The following PCDHA13 variants were observed in gnomAD, a reference collection of about 807,000 sequenced individuals.
PCDHA13 encodes the protein protocadherin alpha 13, also known as protocadherin alpha-13.
Under a neutral mutation model 64.8 loss-of-function variants are expected in PCDHA13, and 54 were observed. That is an observed-to-expected ratio of 0.83 (90% CI 0.67 to 1.04). The LOEUF is 1.04. Among genes scored for constraint, PCDHA13 ranks in the 50% least tolerant of loss-of-function variants. The pLI is 0.00. For missense variants in PCDHA13, 1,248 were observed against 1,254.3 expected (o/e 0.99, Z 0.08); for synonymous variants, 587 against 564.4 (o/e 1.04, Z -0.57).
intron 1 of PCDHA13, among the ~76,000 whole-genome samples, chr5:140,936,016 C>T (rs1170221921): frequency 6.6e-6 from 1 of 151,732 alleles, no homozygotes; most frequent in Non-Finnish European, 1.5e-5. Context: ...CCTCAGCCTC[C>T]CGAGTAGCGG....
chr5:140,882,514 C>T lies in PCDHA13; in HGVS notation c.246C>T (p.Gly82=). ...TTCTGGAGGTAAATCTGCAGAATGGCATTTTGTTTGTGAATTCTCGGATCG... is the reference window on the plus strand; with the variant it reads ...TTCTGGAGGTAAATCTGCAGAATGGTATTTTGTTTGTGAATTCTCGGATCG... ...GDLLEVNLQN[G]ILFVNSRIDR... Residue 82 remains glycine, a synonymous_variant, in exon 1 of 4, where the codon GGC becomes GGT. Coordinates refer to ENST00000289272, the MANE Select transcript of PCDHA13 (RefSeq NM_018904.3). 2.5e-6 allele frequency: 4 copies of T among 1,614,150 alleles called. No homozygotes were observed. Among genetic ancestry groups the T allele is most frequent in the Non-Finnish European group, 3.4e-6 (4 of 1,180,038 alleles).
intron 3 of PCDHA13, among the ~76,000 whole-genome samples, chr5:140,992,293 G>A (rs1043574685): frequency 1.3e-5 from 2 of 152,136 alleles, no homozygotes; most frequent in African/African-American, 2.4e-5. Flanking sequence ...GCAAAGGATG[G>A]GAGTATTGTT....
Position 141,007,401 on chromosome 5 carries a change from A to G in PCDHA13, c.2543-2226A>G, listed in dbSNP as rs981008239. On this transcript the variant is annotated intron_variant, in intron 3 of 3. Coordinates refer to ENST00000289272, the MANE Select transcript of PCDHA13 (RefSeq NM_018904.3). Reference sequence around the variant, plus strand: ...CACCATCTCTACTAAAATACAAAAAAAAAAAAAAAAAAAAAAATTAGCCAG... The same window carrying G: ...CACCATCTCTACTAAAATACAAAAAGAAAAAAAAAAAAAAAAATTAGCCAG... Among the ~76,000 whole-genome samples the G allele has an allele frequency of 7.4e-4, 110 of 149,582 alleles. 1 individual carries two copies. Among genetic ancestry groups the G allele is most frequent in the Non-Finnish European group, 9.7e-4 (65 of 67,302 alleles).
chr5:140,901,139 A>G (rs1186725760), intron 1 of PCDHA13, among the ~76,000 whole-genome samples: 1 of 151,726 alleles, frequency 6.6e-6, no homozygotes, highest in Non-Finnish European at 1.5e-5. Context: ...GATTGTAAAT[A>G]TTTTCTCTCA....
At chr5:140,938,218 T>C (rs1050033125) in intron 1 of PCDHA13, among the ~76,000 whole-genome samples, 1 of 152,210 alleles carries the variant, frequency 6.6e-6, no homozygotes, top group Admixed American at 6.5e-5. Flanking sequence ...AGTGCTGGGA[T>C]TACAGGCATA....
chr5:141,000,421 A>ATTTTTTTTTTTTT (rs34755515), intron 3 of PCDHA13, among the ~76,000 whole-genome samples: 1 of 27,968 alleles, frequency 3.6e-5, no homozygotes, highest in African/African-American at 1.8e-4. Flanking sequence ...ATATATATAT[A>ATTTTTTTTTTTTT]TTTTTTTTTT....
Position 140,884,446 on chromosome 5 carries a change from G to C in PCDHA13, c.2178G>C (p.Pro726=). The change falls in exon 1 of 4, where the codon CCG becomes CCC. Residue 726 remains proline (P), a synonymous_variant. Transcript: ENST00000289272. ...ATACTGCGCTGCGGTGCTCGGCACC[G>C]CCCACCGAGGGCGCGTGCGCGCCGG... ...LLYTALRCSA[P]PTEGACAPGK... 6.2e-7 allele frequency: 1 copy of C among 1,613,770 alleles called. No individual in the cohort carries two copies. The highest frequency in any genetic ancestry group is 8.5e-7 in the Non-Finnish European group (1 of 1,179,790).
chr5:140,930,196 T>C (rs1554207641), intron 1 of PCDHA13: 1 of 152,226 alleles, frequency 6.6e-6, no homozygotes, highest in South Asian at 2.1e-4. Flanking sequence ...AATTTTTATG[T>C]CAGAAATATT....
At chr5:140,924,187 G>A (rs1238020963) in intron 1 of PCDHA13, among the ~76,000 whole-genome samples, 1 of 152,220 alleles carries the variant, frequency 6.6e-6, no homozygotes, top group Non-Finnish European at 1.5e-5. Flanking sequence ...CAGAAAATTA[G>A]TTTTGGTTTA....
In PCDHA13 at chr5:141,010,844, A is replaced by T. The variant is rs1286149629; in HGVS notation, c.*907A>T. ...TGTTTGTTGTTTCATAGATTTATTT[A>T]AAAAAAGAGAAAGTCTATAGCTATA... On this transcript the variant is annotated 3_prime_UTR_variant, in exon 4 of 4. Coordinates refer to ENST00000289272, the MANE Select transcript of PCDHA13 (RefSeq NM_018904.3). The T allele has an allele frequency of 1.3e-5, 2 of 153,756 alleles. No homozygotes were observed. The highest frequency in any genetic ancestry group is 2.9e-5 in the Non-Finnish European group (2 of 68,056). 9.5% of individuals were successfully genotyped at this position (153,756 alleles called of 1,614,324 possible).
chr5:140,965,748 C>T (rs1010303564), intron 1 of PCDHA13, among the ~76,000 whole-genome samples: 1 of 152,174 alleles, frequency 6.6e-6, no homozygotes, highest in Non-Finnish European at 1.5e-5. Flanking sequence ...TCCCCATTGT[C>T]GCCAAAATGG....
chr5:140,994,189 G>T (rs992894961), intron 3 of PCDHA13, among the ~76,000 whole-genome samples: 2 of 152,176 alleles, frequency 1.3e-5, no homozygotes, highest in Admixed American at 6.5e-5. Context: ...AACCACCAGG[G>T]CCTGTTGGTC....
intron 1 of PCDHA13, among the ~76,000 whole-genome samples, chr5:140,885,056 C>T (rs1554181973): frequency 6.6e-6 from 1 of 152,106 alleles, no homozygotes; most frequent in East Asian, 1.9e-4. Flanking sequence ...TATACATATA[C>T]CCACAAGATA....
At chr5:140,962,406 T>C (rs1272839882) in intron 1 of PCDHA13, among the ~76,000 whole-genome samples, 1 of 152,218 alleles carries the variant, frequency 6.6e-6, no homozygotes, top group African/African-American at 2.4e-5. Context: ...GCCCCAAACC[T>C]GTCTCTCCCT....
chr5:140,973,390 AATC>A (rs1554235235), intron 1 of PCDHA13, among the ~76,000 whole-genome samples: 1 of 152,224 alleles, frequency 6.6e-6, no homozygotes, highest in East Asian at 1.9e-4. Context: ...TAGACAAAGA[AATC>A]ATATCTATGA....
intron 3 of PCDHA13, among the ~76,000 whole-genome samples, chr5:140,996,816 A>G (rs1587722851): frequency 6.6e-6 from 1 of 152,264 alleles, no homozygotes; most frequent in Non-Finnish European, 1.5e-5. Flanking sequence ...TTCCAAAAGT[A>G]ACCACTACCA....
At chr5:140,946,631 T>TATATGTATATAC (rs57893927) in intron 1 of PCDHA13, among the ~76,000 whole-genome samples, 2 of 131,846 alleles carry the variant, frequency 1.5e-5, no homozygotes, top group Non-Finnish European at 3.1e-5. Flanking sequence ...TATATATATA[T>TATATGTATATAC]ACAATGGAAT....
chr5:140,922,164 A>G lies in PCDHA13; in HGVS notation c.2394+37502A>G, dbSNP rs1382732959. Among the ~76,000 whole-genome samples the G allele has an allele frequency of 2.1e-5, 3 of 145,926 alleles. No individual in the cohort carries two copies. The East Asian group carries it at 6.4e-4, about 31-fold the overall frequency. Reference sequence around the variant, plus strand: ...CATGAAACTCATCAAAAACAACAAAAAGTACAGCAGACAAAAAAAAAGTCT... The same window carrying G: ...CATGAAACTCATCAAAAACAACAAAGAGTACAGCAGACAAAAAAAAAGTCT... On this transcript the variant is annotated intron_variant, in intron 1 of 3. Transcript: ENST00000289272.
chr5:140,976,584 A>G (rs2096724055), intron 1 of PCDHA13, among the ~76,000 whole-genome samples: 1 of 152,070 alleles, frequency 6.6e-6, no homozygotes. Context: ...TAAAACACAG[A>G]CTTTTGTGTT....
Sources: allele counts gnomAD v4.1 joint callset (sites outside exome capture counted in the v4.1 genomes callset), GRCh38; gene constraint gnomAD v4.1.1; transcripts MANE v1.5; gene names NCBI Gene and HGNC (gene_info 2026-07-23, HGNC 2026-07-21).